Variants in GPHN observed in about 807,000 individuals in gnomAD.
The protein encoded by GPHN is gephyrin.
Under a neutral mutation model 95.5 loss-of-function variants are expected in GPHN, and 17 were observed. The observed-to-expected ratio is 0.18, with a 90% CI of 0.12 to 0.27. The LOEUF is 0.27. Among genes scored for constraint, GPHN ranks in the 10% least tolerant of loss-of-function variants. GPHN has a pLI of 1.00. For missense variants in GPHN, 660 were observed against 978.1 expected (o/e 0.67, Z 4.34); for synonymous variants, 320 against 322.5 (o/e 0.99, Z 0.08).
At chr14:67,532,505 CTG>C in the GPHN span, among the ~76,000 whole-genome samples, 1 of 152,132 alleles carries the variant, frequency 6.6e-6, no homozygotes, top group Non-Finnish European at 1.5e-5. Context: ...CTGCAAATGT[CTG>C]AGAACGAGGA....
chr14:66,707,305 A>G (rs955496542), intron 2 of GPHN, among the ~76,000 whole-genome samples: 4 of 152,218 alleles, frequency 2.6e-5, no homozygotes, highest in Non-Finnish European at 5.9e-5. Flanking sequence ...CAGCAATTCC[A>G]TTACTGGGTA....
chr14:66,596,713 G>A (rs951532783), intron 1 of GPHN, among the ~76,000 whole-genome samples: 3 of 152,208 alleles, frequency 2.0e-5, no homozygotes, highest in Admixed American at 1.3e-4. Context: ...CAAGCTTGTG[G>A]GTCAGCAGGG....
the GPHN span, among the ~76,000 whole-genome samples, chr14:67,245,615 G>C: frequency 6.6e-6 from 1 of 152,018 alleles, no homozygotes; most frequent in Non-Finnish European, 1.5e-5. Flanking sequence ...GCCTCCCAAA[G>C]TGGTGGGATA....
At chr14:67,402,462 A>C in the GPHN span, among the ~76,000 whole-genome samples, 1 of 152,250 alleles carries the variant, frequency 6.6e-6, no homozygotes, top group African/African-American at 2.4e-5. Context: ...TTAAACGTAC[A>C]ATTAAGTTAT....
At chr14:67,072,457 T>C (rs1304041560) in intron 11 of GPHN, among the ~76,000 whole-genome samples, 4 of 152,078 alleles carry the variant, frequency 2.6e-5, no homozygotes, top group African/African-American at 9.7e-5. Context: ...AATTACCTTT[T>C]TGACTGTTTT....
chr14:67,655,172 T>C, the GPHN span, among the ~76,000 whole-genome samples: 1 of 151,976 alleles, frequency 6.6e-6, no homozygotes, highest in Non-Finnish European at 1.5e-5. Context: ...AGACCCCGTT[T>C]TTACAAAAAA....
Position 66,637,355 on chromosome 14 carries a change from TA to T in GPHN, c.65-43749del, listed in dbSNP as rs201429948. On this transcript the variant is annotated intron_variant, in intron 1 of 22. Transcript: ENST00000478722. The stretch of plus-strand genomic sequence containing the variant: ...ATTTTTATATCTTTCCACCTTATAA[TA>T]AACATGAAACATTAATAGATTCAGG... Among the ~76,000 whole-genome samples the T allele has an allele frequency of 1.8e-3, 277 of 152,250 alleles. 5 individuals carry two copies. The East Asian group carries it at 0.051, about 28-fold the overall frequency.
At chr14:67,047,741 T>G (rs2075105038) in intron 10 of GPHN, among the ~76,000 whole-genome samples, 1 of 152,138 alleles carries the variant, frequency 6.6e-6, no homozygotes, top group African/African-American at 2.4e-5. Context: ...TCCTAACACT[T>G]TGGGAGGCCA....
At chr14:67,487,655 G>A in the GPHN span, among the ~76,000 whole-genome samples, 2 of 152,092 alleles carry the variant, frequency 1.3e-5, no homozygotes, top group Non-Finnish European at 2.9e-5. Flanking sequence ...ACCTTTCTAC[G>A]TACTATTCTA....
At chr14:66,658,297 A>T (rs113963697) in intron 1 of GPHN, among the ~76,000 whole-genome samples, 1 of 152,146 alleles carries the variant, frequency 6.6e-6, no homozygotes, top group Non-Finnish European at 1.5e-5. Context: ...CTTGAGGTGG[A>T]ATCTACTCCT....
At chr14:67,439,539 TTC>T in the GPHN span, among the ~76,000 whole-genome samples, 2 of 56,130 alleles carry the variant, frequency 3.6e-5, no homozygotes, top group African/African-American at 2.1e-4. Context: ...AATAGTTTCT[TTC>T]TTTCTTTCTT....
the GPHN span, among the ~76,000 whole-genome samples, chr14:67,391,760 A>T: frequency 6.6e-6 from 1 of 152,234 alleles, no homozygotes; most frequent in Admixed American, 6.5e-5. Flanking sequence ...GCCGCAGGAC[A>T]CGGCTTGCCT....
At chr14:67,575,919 C>T in the GPHN span, 506 of 1,613,788 alleles carry the variant, frequency 3.1e-4, no homozygotes, top group African/African-American at 6.0e-3. Context: ...AGGAACCAGA[C>T]GGTTGCTTTC....
the GPHN span, among the ~76,000 whole-genome samples, chr14:67,407,764 GA>G: frequency 6.6e-6 from 1 of 152,092 alleles, no homozygotes; most frequent in African/African-American, 2.4e-5. Context: ...TAAAGATAAG[GA>G]AACAGAGGCA....
chr14:66,544,635 G>GA (rs1275839486), intron 1 of GPHN, among the ~76,000 whole-genome samples: 2 of 150,888 alleles, frequency 1.3e-5, no homozygotes, highest in African/African-American at 4.9e-5. Flanking sequence ...GTTTCTCACA[G>GA]AGGGGGATTT....
intron 3 of GPHN, among the ~76,000 whole-genome samples, chr14:66,776,744 G>C (rs2059395247): frequency 6.6e-6 from 1 of 152,016 alleles, no homozygotes; most frequent in African/African-American, 2.4e-5. Flanking sequence ...GAATCGAAAA[G>C]GAACCCTTTC....
At chr14:67,681,754 C>A in the GPHN span, among the ~76,000 whole-genome samples, 1 of 151,612 alleles carries the variant, frequency 6.6e-6, no homozygotes, top group South Asian at 2.1e-4. Context: ...AGCAAGATTC[C>A]GTCTCAAAAA....
chr14:67,703,969 T>C, the GPHN span, among the ~76,000 whole-genome samples: 1 of 152,240 alleles, frequency 6.6e-6, no homozygotes, highest in African/African-American at 2.4e-5. Context: ...TGAGCCACTG[T>C]GCTTGGCCTG....
chr14:66,532,966 A>G (rs1026802911), intron 1 of GPHN, among the ~76,000 whole-genome samples: 9 of 152,206 alleles, frequency 5.9e-5, no homozygotes, highest in Non-Finnish European at 7.3e-5. Context: ...TGATCAGAGG[A>G]TAGAGCTTAG....
Sources: gnomAD v4.1 joint callset for allele counts (sites outside exome capture counted in the v4.1 genomes callset) on GRCh38, gnomAD v4.1.1 for gene constraint, MANE v1.5 for transcripts, NCBI Gene and HGNC (gene_info 2026-07-23, HGNC 2026-07-21) for gene names.